NRG1: variants seen among roughly 807,000 people sequenced by gnomAD.
The protein encoded by NRG1 is neuregulin 1, also known as pro-neuregulin-1, membrane-bound isoform.
NRG1 carries 18 observed loss-of-function variants against 63.8 expected under a neutral mutation model. That is an observed-to-expected ratio of 0.28 (90% CI 0.19 to 0.42). NRG1 has a LOEUF of 0.42. NRG1 is among the 10% of genes least tolerant of loss of function. The pLI is 1.00. For missense variants in NRG1, 762 were observed against 814.7 expected, an observed-to-expected ratio of 0.94 and a Z score of 0.79; for synonymous variants, 302 against 301.3, an observed-to-expected ratio of 1.00 and a Z score of -0.02.
chr8:32,607,729 T>C (rs1845507541), intron 3 of NRG1, among the ~76,000 whole-genome samples: 1 of 152,168 alleles, frequency 6.6e-6, no homozygotes, highest in Non-Finnish European at 1.5e-5. Context: ...TGACCAATTA[T>C]AGGGTAGAGA....
chr8:32,247,114 A>T (rs536796073), intron 1 of NRG1, among the ~76,000 whole-genome samples: 569 of 29,764 alleles, frequency 0.019, 3 homozygotes, highest in African/African-American at 0.07. Context: ...TTTTTTTTTA[A>T]AAAAAAGGAA....
At chr8:32,480,094 G>C (rs1304263553) in intron 1 of NRG1, among the ~76,000 whole-genome samples, 1 of 152,178 alleles carries the variant, frequency 6.6e-6, no homozygotes, top group African/African-American at 2.4e-5. Flanking sequence ...AATTTAGGGA[G>C]ATCATTATCT....
Position 32,283,105 on chromosome 8 carries a change from T to C in NRG1, c.38-312723T>C, listed in dbSNP as rs149535082. Among the ~76,000 whole-genome samples, 685 of 152,316 alleles carry C rather than the reference T, an allele frequency of 4.5e-3. 7 individuals are homozygous for C. The highest frequency in any genetic ancestry group is 0.015 in the African/African-American group (642 of 41,574). ...AAGTTTCCTGGCACTTAATTCCAAATTGTTATTCCAATTTCTAGTGTGCCA... is the reference window on the plus strand; with the variant it reads ...AAGTTTCCTGGCACTTAATTCCAAACTGTTATTCCAATTTCTAGTGTGCCA... On this transcript the variant is annotated intron_variant, in intron 1 of 10. Coordinates refer to the NRG1 transcript ENST00000519301.
At chr8:31,874,337 T>G (rs1563513163) in intron 1 of NRG1, among the ~76,000 whole-genome samples, 1 of 152,206 alleles carries the variant, frequency 6.6e-6, no homozygotes, top group Non-Finnish European at 1.5e-5. Flanking sequence ...ATGGATGAAA[T>G]AAAGTTTTAT....
At chr8:32,157,393 GGCTCAC>G (rs1838227644) in intron 1 of NRG1, among the ~76,000 whole-genome samples, 1 of 149,570 alleles carries the variant, frequency 6.7e-6, no homozygotes, top group South Asian at 2.1e-4. Flanking sequence ...CGGGCATGGC[GGCTCAC>G]GCCTGTAATC....
At chr8:32,732,637 GA>G (rs1406265522) in intron 6 of NRG1, among the ~76,000 whole-genome samples, 1 of 152,002 alleles carries the variant, frequency 6.6e-6, no homozygotes, top group African/African-American at 2.4e-5. Context: ...GGGAGTCAGT[GA>G]AATTAAATGA....
At chr8:31,687,540 G>A (rs1014193585) in intron 1 of NRG1, among the ~76,000 whole-genome samples, 16 of 152,172 alleles carry the variant, frequency 1.1e-4, no homozygotes, top group African/African-American at 3.6e-4. Context: ...TTTTATTTCT[G>A]ATAGGGAGAA....
chr8:32,268,757 A>G lies in NRG1; in HGVS notation c.38-327071A>G, dbSNP rs182326123. Among the ~76,000 whole-genome samples, 223 of 152,226 alleles carry G rather than the reference A, an allele frequency of 1.5e-3. 3 individuals carry two copies. Among genetic ancestry groups the G allele is most frequent in the Admixed American group, 0.012 (182 of 15,274 alleles). ...CCTGTAATTTTTCCACACATTATGC[A>G]CTGGATTTTAGTTTGTGATACTCAG... is the stretch of plus-strand genomic sequence containing the variant. On this transcript the variant is annotated intron_variant, in intron 1 of 10. Coordinates refer to the NRG1 transcript ENST00000519301.
intron 5 of NRG1, among the ~76,000 whole-genome samples, chr8:32,673,706 G>A (rs950534210): frequency 1.1e-4 from 17 of 152,208 alleles, no homozygotes; most frequent in Admixed American, 9.2e-4. Context: ...TAGTGAATTC[G>A]TGCCTGCCTT....
intron 1 of NRG1, among the ~76,000 whole-genome samples, chr8:31,780,026 T>C (rs1819526977): frequency 6.6e-6 from 1 of 152,160 alleles, no homozygotes; most frequent in Non-Finnish European, 1.5e-5. Flanking sequence ...CACCTGAGGC[T>C]CTCTGATACC....
chr8:32,456,435 C>T (rs757156867), intron 1 of NRG1, among the ~76,000 whole-genome samples: 1 of 152,184 alleles, frequency 6.6e-6, no homozygotes, highest in Non-Finnish European at 1.5e-5. Context: ...CACCTATACA[C>T]GGATTTTCTC....
At chr8:32,104,308 A>G (rs1166986634) in intron 1 of NRG1, among the ~76,000 whole-genome samples, 1 of 152,180 alleles carries the variant, frequency 6.6e-6, no homozygotes, top group Non-Finnish European at 1.5e-5. Context: ...AAAATATGGT[A>G]TAAAAGATTT....
intron 1 of NRG1, among the ~76,000 whole-genome samples, chr8:32,112,719 A>G (rs893070750): frequency 6.6e-6 from 1 of 152,166 alleles, no homozygotes; most frequent in African/African-American, 2.4e-5. Context: ...GAAGTGGTGG[A>G]GAATATGAGT....
chr8:32,735,537 C>T (rs2129028848), intron 6 of NRG1, among the ~76,000 whole-genome samples: 1 of 152,210 alleles, frequency 6.6e-6, no homozygotes. Context: ...TATAAAGCCC[C>T]TCAGAACCCC....
chr8:32,456,651 A>T (rs1219644254), intron 1 of NRG1, among the ~76,000 whole-genome samples: 7 of 152,216 alleles, frequency 4.6e-5, no homozygotes, highest in Admixed American at 4.6e-4. Flanking sequence ...TACATATAAC[A>T]CACAAACTAT....
At chr8:32,713,365 G>A (rs1018999666) in intron 5 of NRG1, among the ~76,000 whole-genome samples, 8 of 152,024 alleles carry the variant, frequency 5.3e-5, no homozygotes, top group Admixed American at 2.6e-4. Context: ...AAATCCTTCC[G>A]GTTTCGGTAA....
intron 1 of NRG1, among the ~76,000 whole-genome samples, chr8:32,452,606 C>T (rs1379105862): frequency 6.6e-6 from 1 of 152,102 alleles, no homozygotes; most frequent in Non-Finnish European, 1.5e-5. Context: ...GCATGCTATA[C>T]TAAGAAGCTT....
chr8:32,057,832 C>T (rs1823209663), intron 1 of NRG1, among the ~76,000 whole-genome samples: 1 of 152,056 alleles, frequency 6.6e-6, no homozygotes, highest in African/African-American at 2.4e-5. Context: ...TCCTCCTGGG[C>T]TTTGTCCTTC....
In NRG1 at chr8:32,692,073, A is replaced by G. The variant is rs188187844; in HGVS notation, c.503-35876A>G. On this transcript the variant is annotated intron_variant, in intron 5 of 11. Transcript: ENST00000356819. ...CTTCTTACTTTATTTCCATAACTTA[A>G]TTAGCCTTCAAAGCCCAATTCTAAT... Among the ~76,000 whole-genome samples, 19 of 152,314 alleles carry G rather than the reference A, an allele frequency of 1.2e-4. No homozygotes were observed. In the East Asian group the frequency reaches 2.9e-3, roughly 23 times the overall value.
Sources: allele counts gnomAD v4.1 joint callset (sites outside exome capture counted in the v4.1 genomes callset), GRCh38; gene constraint gnomAD v4.1.1; transcripts MANE v1.5; gene names NCBI Gene and HGNC (gene_info 2026-07-23, HGNC 2026-07-21).